MASP2: variants seen among roughly 807,000 people sequenced by gnomAD.
MASP2 encodes mannan-binding lectin serine protease 2.
A neutral mutation model predicts 57.1 loss-of-function variants in MASP2; 49 were observed. The observed-to-expected ratio is 0.86, with a 90% CI of 0.68 to 1.09. The LOEUF (loss-of-function observed/expected upper bound fraction) is 1.09. Among genes scored for constraint, MASP2 ranks in the 50% least tolerant of loss-of-function variants. The probability of loss-of-function intolerance (pLI) is 0.00; values close to 1 mark genes in which losing one functional copy is unlikely to be tolerated. For synonymous variants in MASP2, 379 were observed against 340.8 expected (o/e 1.11, Z -1.24); for missense variants, 900 against 874.8 (o/e 1.03, Z -0.36).
chr1:11,041,100 T>TGGAG (rs1638413827), intron 6 of MASP2, among the ~76,000 whole-genome samples: 1 of 133,810 alleles, frequency 7.5e-6, no homozygotes, highest in African/African-American at 3.2e-5. Context: ...GATAGAAGGA[T>TGGAG]GGATAGATGG....
At chr1:11,041,145 T>C (rs1381857321) in intron 6 of MASP2, among the ~76,000 whole-genome samples, 1 of 65,886 alleles carries the variant, frequency 1.5e-5, no homozygotes, top group Non-Finnish European at 3.3e-5. Context: ...AAGGATGTGT[T>C]GGTAGAAGGA....
chr1:11,035,894 CAAAAAAAAA>C (rs61214689), intron 7 of MASP2, among the ~76,000 whole-genome samples: 1 of 96,162 alleles, frequency 1.0e-5, no homozygotes, highest in African/African-American at 3.8e-5. Flanking sequence ...AGACCCTGTC[CAAAAAAAAA>C]AAAAAAAAAA....
At chr1:11,045,326 C>A in intron 4 of MASP2, 82 bp downstream of exon 4, 1 of 1,598,520 alleles carries the variant, frequency 6.3e-7, no homozygotes, top group Non-Finnish European at 8.5e-7. Flanking sequence ...CCCTCCGCAC[C>A]CCTGGGCAGA....
intron 10 of MASP2, among the ~76,000 whole-genome samples, chr1:11,029,290 A>G (rs1479048004): frequency 6.7e-6 from 1 of 149,260 alleles, no homozygotes; most frequent in Admixed American, 6.7e-5. Context: ...GTGAGCCACC[A>G]TGCCTGGCCC....
At chr1:11,028,727 T>G (rs946263172) in intron 10 of MASP2, among the ~76,000 whole-genome samples, 54 of 149,164 alleles carry the variant, frequency 3.6e-4, no homozygotes, top group African/African-American at 1.2e-3. Flanking sequence ...TTTTTTTTTT[T>G]TTTTGAGACA....
At chr1:11,032,878 C>T (rs1643864241) in intron 8 of MASP2, among the ~76,000 whole-genome samples, 1 of 152,066 alleles carries the variant, frequency 6.6e-6, no homozygotes, top group African/African-American at 2.4e-5. Context: ...CACTCCACTC[C>T]AGCCTGGGTG....
At chr1:11,035,524 CTCAAA>C (rs1013297884) in intron 7 of MASP2, among the ~76,000 whole-genome samples, 8 of 97,340 alleles carry the variant, frequency 8.2e-5, no homozygotes, top group African/African-American at 3.2e-4. Context: ...GAGACCCTGT[CTCAAA>C]TCATCATCAT....
chr1:11,044,085 G>T (rs542248795), intron 4 of MASP2, among the ~76,000 whole-genome samples: 1 of 152,234 alleles, frequency 6.6e-6, no homozygotes, highest in South Asian at 2.1e-4. Flanking sequence ...TTCATCAGGG[G>T]TCTCCTACCC....
At chr1:11,031,634 T>C (rs1570739125) in intron 8 of MASP2, among the ~76,000 whole-genome samples, 1 of 148,938 alleles carries the variant, frequency 6.7e-6, no homozygotes, top group Admixed American at 6.7e-5. Flanking sequence ...AAGGACACGA[T>C]AGTAAGATTG....
intron 4 of MASP2, chr1:11,044,774 A>AACCCCC: frequency 8.9e-7 from 1 of 1,124,426 alleles, no homozygotes; most frequent in Non-Finnish European, 1.2e-6. Flanking sequence ...CGACCCTCCC[A>AACCCCC]CCCCAGAGAC....
rs1638663089 is a variant in MASP2, at chr1:11,046,983, T to C, written c.142A>G (p.Thr48Ala). 2 of 1,557,216 alleles carry C rather than the reference T, an allele frequency of 1.3e-6. No individual in the cohort carries two copies. The highest frequency in any genetic ancestry group is 1.4e-5 in the African/African-American group (1 of 73,398). ...CGGTAGCCGGGGGGTGCAGTCAGGG[T>C]CCAGCGCCGCTCCTGGTCATTGGCA... Reference protein sequence around the residue: ...EYANDQERRWTLTAPPGYRLR... With the variant: ...EYANDQERRWALTAPPGYRLR... The change falls in exon 2 of 11, where the codon ACC becomes GCC. Residue 48 changes from threonine to alanine, a missense_variant. Coordinates refer to ENST00000400897, the MANE Select transcript of MASP2 (RefSeq NM_006610.4).
At chr1:11,046,028 T>G (rs563166449) in intron 3 of MASP2, 30 of 189,618 alleles carry the variant, frequency 1.6e-4, no homozygotes, top group Admixed American at 1.5e-3. Flanking sequence ...TTTTTTGTTT[T>G]TTGAGACGGA....
At chr1:11,046,393 C>T (rs1282345217) in intron 3 of MASP2, 163 bp downstream of exon 3, 23 of 742,330 alleles carry the variant, frequency 3.1e-5, no homozygotes, top group Middle Eastern at 2.4e-4. Flanking sequence ...ATGGAGGTCA[C>T]GGCTGTTTTG....
chr1:11,047,058 G>A lies in MASP2; in HGVS notation c.67C>T (p.Pro23Ser). ...GCCAGGCGCCCGAACACAGGTTCAGGCCACTTCGGGCCCAAGGGGGTGGCC... is the reference window on the plus strand; with the variant it reads ...GCCAGGCGCCCGAACACAGGTTCAGACCACTTCGGGCCCAAGGGGGTGGCC... ...SVATPLGPKW[P>S]EPVFGRLASP... The change falls in exon 2 of 11, where the codon CCT (proline) becomes TCT (serine). Residue 23 changes from proline (P) to serine (S), a missense_variant. By Grantham distance (74) the Pro-to-Ser change is moderately conservative. Transcript: ENST00000400897. 1 of 1,550,656 alleles carries A rather than the reference G, an allele frequency of 6.4e-7. No homozygotes were observed. The highest frequency in any genetic ancestry group is 8.7e-7 in the Non-Finnish European group (1 of 1,147,124).
chr1:11,033,926 G>GACAC lies in MASP2; in HGVS notation c.1087+898_1087+901dup, dbSNP rs762078074. On this transcript the variant is annotated intron_variant, in intron 8 of 10. Coordinates refer to ENST00000400897, the MANE Select transcript of MASP2 (RefSeq NM_006610.4). ...AGCCTGGGTGACAGAGTGAGACTCC[G>GACAC]ACACACACACACACACACACACACA... Among the ~76,000 whole-genome samples, 410 of 140,102 alleles carry GACAC rather than the reference G, an allele frequency of 2.9e-3. 3 individuals carry two copies. The highest frequency in any genetic ancestry group is 3.7e-3 in the African/African-American group (136 of 36,570). 91.9% of individuals were successfully genotyped at this position (140,102 alleles called of 152,430 possible).
chr1:11,040,796 G>A (rs1224425003), intron 6 of MASP2, among the ~76,000 whole-genome samples: 1 of 150,860 alleles, frequency 6.6e-6, no homozygotes, highest in Non-Finnish European at 1.5e-5. Context: ...ATGGATGGAT[G>A]GATAGAAAGA....
At position 11,047,059 on chromosome 1, in the gene MASP2, C is replaced by T. The variant is rs1557679137; in HGVS notation, c.66G>A (p.Trp22Ter). Reference sequence around the variant, plus strand: ...CCAGGCGCCCGAACACAGGTTCAGGCCACTTCGGGCCCAAGGGGGTGGCCA... The same window carrying T: ...CCAGGCGCCCGAACACAGGTTCAGGTCACTTCGGGCCCAAGGGGGTGGCCA... ...GSVATPLGPK[W>*]PEPVFGRLAS... Residue 22 changes from tryptophan (W) to a stop codon, truncating the protein, a stop_gained, in exon 2 of 11, where the codon TGG becomes TGA. Coordinates refer to ENST00000400897, the MANE Select transcript of MASP2 (RefSeq NM_006610.4). LOFTEE classifies it high-confidence loss of function. 3.2e-6 allele frequency: 5 copies of T among 1,550,638 alleles called. No individual in the cohort carries two copies. Among genetic ancestry groups the T allele is most frequent in the Non-Finnish European group, 4.4e-6 (5 of 1,147,138 alleles).
chr1:11,031,401 C>T (rs1257226996), intron 8 of MASP2, among the ~76,000 whole-genome samples: 47 of 150,748 alleles, frequency 3.1e-4, no homozygotes, highest in African/African-American at 1.1e-3. Context: ...TGGTAGCGGG[C>T]GCCTGTAGTC....
intron 7 of MASP2, among the ~76,000 whole-genome samples, chr1:11,037,303 G>T (rs1348804020): frequency 6.6e-6 from 1 of 152,110 alleles, no homozygotes; most frequent in Admixed American, 6.6e-5. Flanking sequence ...TGGCCAGGCT[G>T]GTCTTGAACT....
Sources: gnomAD v4.1 joint callset for allele counts (sites outside exome capture counted in the v4.1 genomes callset) on GRCh38, gnomAD v4.1.1 for gene constraint, MANE v1.5 for transcripts, NCBI Gene and HGNC (gene_info 2026-07-23, HGNC 2026-07-21) for gene names.